The following LRP1 variants were observed in gnomAD, a reference collection of about 807,000 sequenced individuals.
LRP1 encodes the protein LDL receptor related protein 1.
LRP1 carries 51 observed loss-of-function variants against 541.5 expected under a neutral mutation model. The observed-to-expected ratio is 0.09, with a 90% CI of 0.08 to 0.12. The LOEUF is 0.12. Among genes scored for constraint, LRP1 ranks in the 10% least tolerant of loss-of-function variants. LRP1 has a pLI of 1.00. For synonymous variants in LRP1, 2,219 were observed against 2,470.8 expected (o/e 0.90, Z 3.02); for missense variants, 3,878 against 6,376.2 (o/e 0.61, Z 13.34).
chr12:57,208,153 G>A lies in LRP1; in HGVS notation c.11975G>A (p.Arg3992His), dbSNP rs755903131. ...GTGGCGCAGATGAAGGGCGAGAACCGCAAGACGCTCATCTCGGGCATGATT... is the reference window on the plus strand; with the variant it reads ...GTGGCGCAGATGAAGGGCGAGAACCACAAGACGCTCATCTCGGGCATGATT... ...IEVAQMKGEN[R>H]KTLISGMIDE... is the part of the protein sequence containing the mutation. The change falls in exon 77 of 89, where the codon CGC (arginine) becomes CAC (histidine). Residue 3992 changes from arginine (R) to histidine (H), a missense_variant. Arg to His is a conservative substitution (Grantham distance 29, BLOSUM62 0). This residue lies in a region of LRP1 where 871 missense variants were observed against 1,212.4 expected (regional missense o/e 0.72). Coordinates refer to ENST00000243077, the MANE Select transcript of LRP1 (RefSeq NM_002332.3). The A allele has an allele frequency of 6.8e-6, 11 of 1,614,002 alleles. No homozygotes were observed. The highest frequency in any genetic ancestry group is 2.2e-5 in the South Asian group (2 of 91,086).
Position 57,193,053 on chromosome 12 carries a change from C to T in LRP1, c.7555+83C>T. On this transcript the variant is annotated intron_variant, in intron 45 of 88. Transcript: ENST00000243077. ...GACCATCTCCCCTACATGCTCCAGCCCAGCCCCCCAAAGCCTTTTGCCAAG... is the reference window on the plus strand; with the variant it reads ...GACCATCTCCCCTACATGCTCCAGCTCAGCCCCCCAAAGCCTTTTGCCAAG... 5 of 1,586,288 alleles carry T rather than the reference C, an allele frequency of 3.2e-6. No individual in the cohort carries two copies. In the Admixed American group the frequency reaches 6.8e-5, roughly 22 times the overall value.
Position 57,189,688 on chromosome 12 carries a change from G to A in LRP1, c.7032-1117G>A, listed in dbSNP as rs2036337593. Among the ~76,000 whole-genome samples, 1 of 151,920 alleles carries A rather than the reference G, an allele frequency of 6.6e-6. No individual in the cohort carries two copies. Among genetic ancestry groups the A allele is most frequent in the Admixed American group, 6.6e-5 (1 of 15,242 alleles). ...AGATCTGTGGCCAGAATGGTGAGGG[G>A]CAGAGGTAGGAGGAGGCCAGAGGCA... On this transcript the variant is annotated intron_variant, in intron 42 of 88. Transcript: ENST00000243077. This position sits in a 1 kb window ranked among gnomAD's most constrained non-coding sequence, Gnocchi z 4.4.
At chr12:57,202,047 G>T in intron 67 of LRP1, 142 bp downstream of exon 67, 1 of 1,120,606 alleles carries the variant, frequency 8.9e-7, no homozygotes, top group Non-Finnish European at 1.3e-6. Context: ...CTGCTGTGGG[G>T]CTGGGGAAGG....
Position 57,200,826 on chromosome 12 carries a change from G to GTCCCCC in LRP1, c.10225+11_10225+12insTCCCCC. 20 of 1,581,432 alleles carry GTCCCCC rather than the reference G, an allele frequency of 1.3e-5. No individual in the cohort carries two copies. The highest frequency in any genetic ancestry group is 4.4e-5 in the South Asian group (4 of 89,998). The stretch of plus-strand genomic sequence containing the variant: ...ACGAGGCCAACTGTGGTAAGGCGCT[G>GTCCCCC]CCCGCCCACCCTCCCTCCTTCCCCA... On this transcript the variant is annotated intron_variant, in intron 64 of 88. Transcript: ENST00000243077.
intron 77 of LRP1, 73 bp downstream of exon 77, chr12:57,208,289 C>T: frequency 6.7e-7 from 1 of 1,484,258 alleles, no homozygotes; most frequent in South Asian, 1.2e-5. Flanking sequence ...GGGGGCTGCA[C>T]CCACATGCGT....
chr12:57,185,123 T>C lies in LRP1; in HGVS notation c.6381T>C (p.Asn2127=). The change falls in exon 40 of 89, where the codon AAT becomes AAC. Residue 2127 remains asparagine, a synonymous_variant. Transcript: ENST00000243077. This position sits in a 1 kb window ranked among gnomAD's most constrained non-coding sequence, Gnocchi z 4.9. ...CTATCAAGCGCGGGAGCAAAGACAA[T>C]GCCACAGACTCCGTGCCCCTGCGAA... is the stretch of plus-strand genomic sequence containing the variant. ...NGSIKRGSKD[N]ATDSVPLRTG... is the part of the protein sequence containing the mutation. 1 of 1,613,994 alleles carries C rather than the reference T, an allele frequency of 6.2e-7. No individual in the cohort carries two copies. The highest frequency in any genetic ancestry group is 8.5e-7 in the Non-Finnish European group (1 of 1,179,994).
chr12:57,164,307 A>G (rs538350347), intron 15 of LRP1: 30 of 152,354 alleles, frequency 2.0e-4, no homozygotes, highest in African/African-American at 7.0e-4. Context: ...ATGTTTCCCT[A>G]TGATTTACTT....
rs1172174449 is a variant in LRP1 at position 57,154,794 on chromosome 12, A to G, written c.1227+93A>G. On this transcript the variant is annotated intron_variant, in intron 8 of 88. Coordinates refer to ENST00000243077, the MANE Select transcript of LRP1 (RefSeq NM_002332.3). This position sits in a 1 kb window ranked among gnomAD's most constrained non-coding sequence, Gnocchi z 4.6. ...GCCTCTGTAGGGGAACCGTTCTCTG[A>G]GTCTCCTGGTAAAGAGCGTGGATGC... 8.5e-7 allele frequency: 1 copy of G among 1,183,110 alleles called. No homozygotes were observed. 73.3% of individuals were successfully genotyped at this position (1,183,110 alleles called of 1,614,324 possible).
Position 57,177,368 on chromosome 12 carries a change from C to T in LRP1, c.4197-59C>T. 3 of 1,561,732 alleles carry T rather than the reference C, an allele frequency of 1.9e-6. No individual in the cohort carries two copies. The highest frequency in any genetic ancestry group is 2.6e-6 in the Non-Finnish European group (3 of 1,148,216). On this transcript the variant is annotated intron_variant, in intron 25 of 88. Transcript: ENST00000243077. The surrounding 1 kb of genome is among the most constrained non-coding windows in gnomAD (Gnocchi z 6.8). ...CTCCCACCCTCTACCTACGATCCCA[C>T]CACAGTCGCTCCCTGAGGGCCCTGA... is the stretch of plus-strand genomic sequence containing the variant.
Position 57,193,960 on chromosome 12 carries a change from C to A in LRP1, c.7866C>A (p.Ser2622Arg), listed in dbSNP as rs767678935. 3.1e-6 allele frequency: 5 copies of A among 1,614,222 alleles called. No homozygotes were observed. The highest frequency in any genetic ancestry group is 3.4e-6 in the Non-Finnish European group (4 of 1,180,050). Residue 2622 changes from serine to arginine, a missense_variant, in exon 48 of 89, where the codon AGC becomes AGA. By Grantham distance (110) the Ser-to-Arg change is moderately radical. This residue lies in a region of LRP1 where 1,100 missense variants were observed against 1,827.4 expected (regional missense o/e 0.60). Coordinates refer to ENST00000243077, the MANE Select transcript of LRP1 (RefSeq NM_002332.3). ...CRDGTCIGNSSRCNQFVDCED... is the reference protein window; with the variant it reads ...CRDGTCIGNSRRCNQFVDCED... ...ACGGGACCTGCATCGGGAACTCCAG[C>A]CGCTGCAACCAGTTTGTGGATTGTG...
chr12:57,153,953 C>G (rs977455501), intron 6 of LRP1, among the ~76,000 whole-genome samples: 14 of 151,928 alleles, frequency 9.2e-5, no homozygotes, highest in Non-Finnish European at 1.6e-4. Context: ...GACCTGTGCT[C>G]TCTACCTTTT....
chr12:57,210,802 G>A lies in LRP1; in HGVS notation c.12839G>A (p.Ser4280Asn). The A allele has an allele frequency of 6.2e-7, 1 of 1,613,536 alleles. No individual in the cohort carries two copies. Among genetic ancestry groups the A allele is most frequent in the African/African-American group, 1.3e-5 (1 of 75,050 alleles). The part of the protein sequence containing the change: ...QVCAGYCANN[S>N]TCTVNQGNQP... ...TGTGCGGGCTACTGTGCCAACAACA[G>A]CACCTGCACTGTCAACCAGGGCAAC... Residue 4280 changes from serine to asparagine, a missense_variant, in exon 83 of 89, where the codon AGC becomes AAC. Physicochemically the swap from Ser to Asn is conservative, Grantham distance 46 (BLOSUM62 1). Around this residue, in one of 13 missense-constraint regions of LRP1, gnomAD observed 871 missense variants for 1,212.4 expected, o/e 0.72. Transcript: ENST00000243077.
At chr12:57,188,753 G>A (rs2036319317) in intron 42 of LRP1, among the ~76,000 whole-genome samples, 1 of 152,248 alleles carries the variant, frequency 6.6e-6, no homozygotes, top group African/African-American at 2.4e-5. Flanking sequence ...CCAGTGGGGA[G>A]CGCGAGGGGC....
chr12:57,172,023 C>A (rs2035952758), intron 20 of LRP1, among the ~76,000 whole-genome samples: 1 of 151,690 alleles, frequency 6.6e-6, no homozygotes, highest in African/African-American at 2.4e-5. Context: ...GCCCTCCCCT[C>A]CCCCTGCACT....
In LRP1 at chr12:57,212,350, G is replaced by A; in HGVS notation, c.13495-65G>A. Reference sequence around the variant, plus strand: ...GGGTTAGGTGAGGGACGGAGGTGGGGGTGGGGTAACCTGGGCTACAGGCCC... The same window carrying A: ...GGGTTAGGTGAGGGACGGAGGTGGGAGTGGGGTAACCTGGGCTACAGGCCC... On this transcript the variant is annotated intron_variant, in intron 88 of 88. Transcript: ENST00000243077. This position sits in a 1 kb window ranked among gnomAD's most constrained non-coding sequence, Gnocchi z 5.0. 6.2e-7 allele frequency: 1 copy of A among 1,613,608 alleles called. No individual in the cohort carries two copies. Among genetic ancestry groups the A allele is most frequent in the Non-Finnish European group, 8.5e-7 (1 of 1,179,826 alleles).
chr12:57,188,410 T>G (rs2036311421), intron 42 of LRP1, among the ~76,000 whole-genome samples: 1 of 151,838 alleles, frequency 6.6e-6, no homozygotes, highest in African/African-American at 2.4e-5. Context: ...GAACCCAGAT[T>G]CCCCCCACCA....
rs1238458745 is a variant in LRP1 at position 57,206,805 on chromosome 12, G to T, written c.11859+64G>T. The T allele has an allele frequency of 6.4e-7, 1 of 1,565,970 alleles. No individual in the cohort carries two copies. Among genetic ancestry groups the T allele is most frequent in the Non-Finnish European group, 8.7e-7 (1 of 1,155,506 alleles). On this transcript the variant is annotated intron_variant, in intron 76 of 88. Transcript: ENST00000243077. The surrounding 1 kb of genome is among the most constrained non-coding windows in gnomAD (Gnocchi z 4.7). ...CCATAGAGCAGGCGGTTCAGAGCAG[G>T]ATTTGAAAAGGGCAGTGCTGGCTAG... is the stretch of plus-strand genomic sequence containing the variant.
Position 57,212,569 on chromosome 12 carries a change from C to A in LRP1, c.*14C>A. On this transcript the variant is annotated 3_prime_UTR_variant, in exon 89 of 89. Transcript: ENST00000243077. The surrounding 1 kb of genome is among the most constrained non-coding windows in gnomAD (Gnocchi z 5.0). ...CCCTTGGCATAGGGCCCTGCCCCGT[C>A]GGACTGCCCCCAGAAAGCCTCCTGC... 2 of 1,563,872 alleles carry A rather than the reference C, an allele frequency of 1.3e-6. No homozygotes were observed. The highest frequency in any genetic ancestry group is 2.4e-5 in the South Asian group (2 of 82,362).
rs756832561 is a variant in LRP1, at chr12:57,206,661, C to T, written c.11779C>T (p.Arg3927Cys). ...TNWHTGTISY[R>C]SLPPAAPPTT... ...CTGGCACACGGGCACCATCTCCTAC[C>T]GCAGCCTGCCACCTGCTGCGCCTCC... Residue 3927 changes from arginine (R) to cysteine (C), a missense_variant, in exon 76 of 89, where the codon CGC (arginine) becomes TGC (cysteine). Arg to Cys is a radical substitution (Grantham distance 180). Around this residue, in one of 13 missense-constraint regions of LRP1, gnomAD observed 871 missense variants for 1,212.4 expected, o/e 0.72. Coordinates refer to ENST00000243077, the MANE Select transcript of LRP1 (RefSeq NM_002332.3). The surrounding 1 kb of genome is among the most constrained non-coding windows in gnomAD (Gnocchi z 4.7). 5.1e-5 allele frequency: 83 copies of T among 1,613,810 alleles called. 1 individual carries two copies. Among genetic ancestry groups the T allele is most frequent in the South Asian group, 2.3e-4 (21 of 91,092 alleles).
Sources: allele counts gnomAD v4.1 joint callset (sites outside exome capture counted in the v4.1 genomes callset), GRCh38; gene constraint gnomAD v4.1.1; regional missense constraint gnomAD v4.1.1; non-coding constraint Gnocchi (gnomAD v3.1); transcripts MANE v1.5; gene names NCBI Gene and HGNC (gene_info 2026-07-23, HGNC 2026-07-21).